Variants in GLRA2 observed in about 807,000 individuals in gnomAD.
GLRA2 encodes the protein glycine receptor alpha 2, also known as glycine receptor subunit alpha-2.
A neutral mutation model predicts 31.6 loss-of-function variants in GLRA2; 11 were observed. The ratio of observed to expected loss-of-function variants is 0.35; its 90% CI spans 0.22 to 0.58. The LOEUF is 0.58. Ranked by LOEUF, GLRA2 falls within the 20% of genes least tolerant of loss-of-function variation. The pLI, the probability that GLRA2 is intolerant of heterozygous loss-of-function variation, is 0.84. For synonymous variants in GLRA2, 132 were observed against 134.0 expected (o/e 0.99, Z 0.10); for missense variants, 212 against 351.8 (o/e 0.60, Z 3.18).
At chrX:14,606,622 C>A (rs1421447677) in intron 5 of GLRA2, among the ~76,000 whole-genome samples, 2 of 111,256 alleles carry the variant, frequency 1.8e-5, no homozygotes, top group African/African-American at 6.5e-5. Context: ...TTTCTGAATG[C>A]AAAGCTAATA....
At chrX:14,525,886 A>T (rs2146993260), upstream of GLRA2, among the ~76,000 whole-genome samples, 1 of 112,126 alleles carries the variant, frequency 8.9e-6, no homozygotes, top group South Asian at 3.7e-4. Context: ...TTAAAATTAT[A>T]TACTAGTTAT....
chrX:14,609,389 A>G (rs543943494), intron 7 of GLRA2, among the ~76,000 whole-genome samples, 184 bp downstream of exon 7: 1 of 111,313 alleles, frequency 9.0e-6, no homozygotes, highest in South Asian at 3.8e-4. Flanking sequence ...AACCCTCAAA[A>G]TCATATCATT....
intron 7 of GLRA2, among the ~76,000 whole-genome samples, chrX:14,611,906 G>A (rs2090401917): frequency 8.9e-6 from 1 of 111,925 alleles, no homozygotes; most frequent in African/African-American, 3.2e-5. Flanking sequence ...TAACAGTAAT[G>A]GCAAATATCG....
intron 2 of GLRA2, among the ~76,000 whole-genome samples, chrX:14,539,766 G>A (rs1307577459): frequency 1.8e-5 from 2 of 111,798 alleles, no homozygotes; most frequent in Non-Finnish European, 3.8e-5. Context: ...TTGAGAAAAG[G>A]CATCTTCACC....
intron 7 of GLRA2, among the ~76,000 whole-genome samples, chrX:14,649,771 C>T (rs905676681): frequency 5.4e-5 from 6 of 111,837 alleles, no homozygotes; most frequent in Non-Finnish European, 9.4e-5. Context: ...GTCTTCTTCC[C>T]TACCTCTCAT....
intron 7 of GLRA2, among the ~76,000 whole-genome samples, chrX:14,681,913 A>ATATATATATATATATATATATATG (rs1181280207): frequency 0.023 from 1,359 of 58,678 alleles, 54 homozygotes; most frequent in Non-Finnish European, 0.042. Flanking sequence ...AAAAAAAAAT[A>ATATATATATATATATATATATATG]TATATATATA....
the GLRA2 span, among the ~76,000 whole-genome samples, chrX:14,475,874 G>T: frequency 9.0e-6 from 1 of 111,589 alleles, no homozygotes; most frequent in African/African-American, 3.3e-5. Context: ...CAGCTTTGGG[G>T]AATATGCTTA....
chrX:14,472,358 C>T, the GLRA2 span, among the ~76,000 whole-genome samples: 1 of 110,908 alleles, frequency 9.0e-6, no homozygotes, highest in Non-Finnish European at 1.9e-5. Flanking sequence ...TATGGCATCT[C>T]TTTTTTTTTC....
intron 7 of GLRA2, among the ~76,000 whole-genome samples, chrX:14,663,526 C>A (rs1357631479): frequency 9.0e-6 from 1 of 110,740 alleles, no homozygotes; most frequent in Non-Finnish European, 1.9e-5. Context: ...TACACACACA[C>A]ACACACACAC....
Position 14,730,752 on chromosome X carries a change from A to G in GLRA2, c.*267A>G, listed in dbSNP as rs1450272807. The G allele has an allele frequency of 3.1e-6, 1 of 324,815 alleles. No homozygotes were observed. Among genetic ancestry groups the G allele is most frequent in the Admixed American group, 4.8e-5 (1 of 20,987 alleles). The allele number at this position is 324,815 out of a possible 1,213,427, so 26.8% of individuals were successfully genotyped here. ...TTTAGCATTGTTCTTTCAGTCAGAC[A>G]TGATATGCGCAACATTCAGACATGA... On this transcript the variant is annotated 3_prime_UTR_variant, in exon 9 of 9. Transcript: ENST00000218075.
chrX:14,493,518 T>C, the GLRA2 span, among the ~76,000 whole-genome samples: 23 of 73,092 alleles, frequency 3.1e-4, no homozygotes, highest in South Asian at 1.7e-3. Flanking sequence ...TATATATATA[T>C]ACACACATAT....
chrX:14,569,401 G>A, intron 2 of GLRA2, among the ~76,000 whole-genome samples: 1 of 112,238 alleles, frequency 8.9e-6, no homozygotes, highest in Non-Finnish European at 1.9e-5. Flanking sequence ...AACATGTAAA[G>A]AACTACAATT....
rs1282347933 is a variant in GLRA2, at chrX:14,730,296, G to A, written c.1170G>A (p.Lys390=). 9.1e-6 allele frequency: 11 copies of A among 1,206,551 alleles called. No individual in the cohort carries two copies. Among genetic ancestry groups the A allele is most frequent in the Admixed American group, 2.2e-5 (1 of 45,555 alleles). ...AAGTGAAAGATGGAACAGCTGTCAA[G>A]GCCACACCTGCCAACCCACTCCCAC... is the stretch of plus-strand genomic sequence containing the variant. ...CLQVKDGTAV[K]ATPANPLPQP... The change falls in exon 9 of 9, where the codon AAG becomes AAA. Residue 390 remains lysine (K), a synonymous_variant. Coordinates refer to ENST00000218075, the MANE Select transcript of GLRA2 (RefSeq NM_002063.4).
the GLRA2 span, among the ~76,000 whole-genome samples, chrX:14,499,623 C>T: frequency 1.8e-5 from 2 of 110,934 alleles, no homozygotes; most frequent in South Asian, 3.8e-4. Flanking sequence ...ACCAAATTAT[C>T]GCATGTTCTC....
chrX:14,615,733 G>A (rs1479716075), intron 7 of GLRA2, among the ~76,000 whole-genome samples: 2 of 111,072 alleles, frequency 1.8e-5, no homozygotes, highest in African/African-American at 6.5e-5. Flanking sequence ...TTAAAATAAG[G>A]CTTTCTAGAA....
At chrX:14,634,904 A>C (rs1186851984) in intron 7 of GLRA2, among the ~76,000 whole-genome samples, 1 of 112,285 alleles carries the variant, frequency 8.9e-6, no homozygotes, top group African/African-American at 3.2e-5. Flanking sequence ...TCTAAGTTGC[A>C]ATTCTCCACA....
the GLRA2 span, among the ~76,000 whole-genome samples, chrX:14,521,361 T>TTC: frequency 3.6e-5 from 4 of 110,288 alleles, no homozygotes; most frequent in Admixed American, 9.7e-5. Flanking sequence ...GCAACTTCAT[T>TTC]TCTCTCTCTC....
chrX:14,572,563 T>C (rs2089898001), intron 2 of GLRA2, among the ~76,000 whole-genome samples: 1 of 112,387 alleles, frequency 8.9e-6, no homozygotes. Flanking sequence ...TTGCTTTGTT[T>C]TGAGTAATCA....
chrX:14,651,146 T>G (rs1483036866), intron 7 of GLRA2, among the ~76,000 whole-genome samples: 1 of 111,930 alleles, frequency 8.9e-6, no homozygotes, highest in African/African-American at 3.2e-5. Flanking sequence ...ATGAATATAT[T>G]TTTTACTCTT....
Sources: gnomAD v4.1 joint callset for allele counts (sites outside exome capture counted in the v4.1 genomes callset) on GRCh38, gnomAD v4.1.1 for gene constraint, MANE v1.5 for transcripts, NCBI Gene and HGNC (gene_info 2026-07-23, HGNC 2026-07-21) for gene names.